Variants in EXOC6B observed in about 807,000 individuals in gnomAD.
EXOC6B encodes the protein exocyst complex component 6B.
EXOC6B carries 54 observed loss-of-function variants against 113.5 expected under a neutral mutation model. The ratio of observed to expected loss-of-function variants is 0.48; its 90% CI spans 0.38 to 0.60. The LOEUF (loss-of-function observed/expected upper bound fraction) is 0.60. Ranked by LOEUF, EXOC6B falls within the 20% of genes least tolerant of loss-of-function variation. The pLI is 0.00. For synonymous variants in EXOC6B, 357 were observed against 339.0 expected (o/e 1.05, Z -0.58); for missense variants, 797 against 977.5 (o/e 0.82, Z 2.46).
chr2:72,767,920 A>G (rs953224041), intron 1 of EXOC6B, among the ~76,000 whole-genome samples: 5 of 149,916 alleles, frequency 3.3e-5, no homozygotes, highest in African/African-American at 1.2e-4. Context: ...GTTCAAGACC[A>G]GCCTGGACAA....
At chr2:72,331,113 G>A (rs1005089914) in intron 20 of EXOC6B, among the ~76,000 whole-genome samples, 3 of 152,162 alleles carry the variant, frequency 2.0e-5, no homozygotes, top group South Asian at 2.1e-4. Context: ...AAAAGTCACC[G>A]AACTAACTGA....
chr2:72,780,129 C>A (rs541088496), intron 1 of EXOC6B, among the ~76,000 whole-genome samples: 1 of 152,212 alleles, frequency 6.6e-6, no homozygotes, highest in Admixed American at 6.5e-5. Context: ...TTTTCATAAT[C>A]TGGAAAAAAA....
intron 8 of EXOC6B, among the ~76,000 whole-genome samples, chr2:72,521,204 T>C (rs139080817): frequency 6.6e-6 from 1 of 152,076 alleles, no homozygotes; most frequent in East Asian, 1.9e-4. Flanking sequence ...GTTCCTCCCC[T>C]CCATTCCTCC....
intron 20 of EXOC6B, among the ~76,000 whole-genome samples, chr2:72,207,055 G>A (rs550033364): frequency 6.6e-6 from 1 of 152,188 alleles, no homozygotes; most frequent in South Asian, 2.1e-4. Context: ...TATAGATACT[G>A]TCAAAAGCAG....
At chr2:72,762,063 G>T (rs2104903409) in intron 1 of EXOC6B, among the ~76,000 whole-genome samples, 1 of 152,146 alleles carries the variant, frequency 6.6e-6, no homozygotes, top group South Asian at 2.1e-4. Flanking sequence ...AGCCAACATG[G>T]TAAAACCCCA....
chr2:72,517,444 G>A (rs926468701), intron 8 of EXOC6B, among the ~76,000 whole-genome samples: 3 of 151,990 alleles, frequency 2.0e-5, no homozygotes, highest in Admixed American at 1.3e-4. Context: ...GTATACACCC[G>A]AGTTTTTCCT....
intron 6 of EXOC6B, among the ~76,000 whole-genome samples, chr2:72,595,296 T>G (rs1017261870): frequency 1.4e-5 from 2 of 141,200 alleles, no homozygotes; most frequent in Non-Finnish European, 3.0e-5. Context: ...TATATATATC[T>G]ATATATATAT....
At chr2:72,290,320 C>A (rs1380078451) in intron 20 of EXOC6B, among the ~76,000 whole-genome samples, 1 of 152,030 alleles carries the variant, frequency 6.6e-6, no homozygotes, top group Non-Finnish European at 1.5e-5. Context: ...CTCCAGAGAA[C>A]CATGACTAAT....
At chr2:72,530,368 A>C (rs916709057) in intron 8 of EXOC6B, among the ~76,000 whole-genome samples, 2 of 152,160 alleles carry the variant, frequency 1.3e-5, no homozygotes. Context: ...AGACCCAGGC[A>C]TTATATGTAA....
At chr2:72,486,704 A>G (rs1699441289) in intron 16 of EXOC6B, among the ~76,000 whole-genome samples, 1 of 152,112 alleles carries the variant, frequency 6.6e-6, no homozygotes, top group Non-Finnish European at 1.5e-5. Flanking sequence ...ACTTGACACT[A>G]TCTAATGCCA....
intron 1 of EXOC6B, among the ~76,000 whole-genome samples, chr2:72,801,517 T>G (rs1685269629): frequency 6.6e-6 from 1 of 152,222 alleles, no homozygotes; most frequent in South Asian, 2.1e-4. Flanking sequence ...AGCACTATGT[T>G]GACTGTCTCT....
chr2:72,583,879 C>G (rs2103881852), intron 6 of EXOC6B, among the ~76,000 whole-genome samples: 1 of 152,118 alleles, frequency 6.6e-6, no homozygotes, highest in Middle Eastern at 3.4e-3. Flanking sequence ...CGCTACCATA[C>G]CCAGCTAATT....
intron 6 of EXOC6B, among the ~76,000 whole-genome samples, chr2:72,654,704 G>A (rs965356069): frequency 6.6e-6 from 1 of 152,050 alleles, no homozygotes; most frequent in Non-Finnish European, 1.5e-5. Context: ...TAAATTTTCA[G>A]TCCAAAAATA....
chr2:72,371,995 C>T (rs927952162), intron 19 of EXOC6B, among the ~76,000 whole-genome samples: 3 of 152,056 alleles, frequency 2.0e-5, no homozygotes, highest in African/African-American at 7.2e-5. Flanking sequence ...AGAATCAGCA[C>T]ACAAAAATCA....
At chr2:72,434,670 T>C (rs1320763852) in intron 18 of EXOC6B, among the ~76,000 whole-genome samples, 1 of 152,232 alleles carries the variant, frequency 6.6e-6, no homozygotes, top group Non-Finnish European at 1.5e-5. Flanking sequence ...CCGTTTCTTC[T>C]AGATTTTCTA....
At chr2:72,259,997 A>G (rs1683614133) in intron 20 of EXOC6B, among the ~76,000 whole-genome samples, 1 of 151,856 alleles carries the variant, frequency 6.6e-6, no homozygotes, top group South Asian at 2.1e-4. Flanking sequence ...GGCTGCAGTG[A>G]GCTGTGATTG....
intron 18 of EXOC6B, among the ~76,000 whole-genome samples, chr2:72,420,831 G>C (rs1694828365): frequency 6.6e-6 from 1 of 152,118 alleles, no homozygotes; most frequent in Non-Finnish European, 1.5e-5. Flanking sequence ...CACAATGGTT[G>C]AACTAATTTA....
intron 8 of EXOC6B, among the ~76,000 whole-genome samples, chr2:72,554,721 A>T (rs562577502): frequency 7.3e-4 from 111 of 152,224 alleles, no homozygotes; most frequent in Middle Eastern, 6.8e-3. Flanking sequence ...TTCACATTGC[A>T]TATGTAAGTT....
At chr2:72,200,310 G>A (rs896383016) in intron 20 of EXOC6B, among the ~76,000 whole-genome samples, 2 of 152,148 alleles carry the variant, frequency 1.3e-5, no homozygotes, top group Non-Finnish European at 2.9e-5. Flanking sequence ...ATTTACTGAT[G>A]ACCAGATATC....
Sources: allele counts gnomAD v4.1 joint callset (sites outside exome capture counted in the v4.1 genomes callset), GRCh38; gene constraint gnomAD v4.1.1; transcripts MANE v1.5; gene names NCBI Gene and HGNC (gene_info 2026-07-23, HGNC 2026-07-21).